The following NAV3 variants were observed in gnomAD, a reference collection of about 807,000 sequenced individuals.
The protein encoded by NAV3 is pore membrane and/or filament interacting like protein 1.
NAV3 carries 87 observed loss-of-function variants against 244.7 expected under a neutral mutation model. The observed-to-expected ratio is 0.36, with a 90% CI of 0.30 to 0.42. The LOEUF (loss-of-function observed/expected upper bound fraction) is 0.42, where lower values mean the gene tolerates loss of function less well. NAV3 is among the 20% of genes least tolerant of loss of function. NAV3 has a pLI of 1.00. For synonymous variants in NAV3, 1,126 were observed against 1,042.2 expected, an observed-to-expected ratio of 1.08 and a Z score of -1.55; for missense variants, 2,663 against 2,893.3, an observed-to-expected ratio of 0.92 and a Z score of 1.83.
chr12:78,155,145 A>G (rs1033666943), intron 22 of NAV3, among the ~76,000 whole-genome samples: 4 of 151,924 alleles, frequency 2.6e-5, no homozygotes, highest in Admixed American at 1.3e-4. Flanking sequence ...CCCACCATCC[A>G]TTAGCTATTC....
At chr12:77,613,092 G>T (rs1200450349) in intron 2 of NAV3, among the ~76,000 whole-genome samples, 1 of 152,078 alleles carries the variant, frequency 6.6e-6, no homozygotes, top group Non-Finnish European at 1.5e-5. Flanking sequence ...CCAGTCTTAG[G>T]TTTGTCTTTA....
At chr12:78,182,960 A>G (rs114401343) in intron 30 of NAV3, among the ~76,000 whole-genome samples, 449 of 152,090 alleles carry the variant, frequency 3.0e-3, no homozygotes, top group African/African-American at 0.01. Flanking sequence ...AGATAAAGAA[A>G]GTAGGCAGGA....
At chr12:77,741,523 C>T (rs1868337899) in intron 2 of NAV3, among the ~76,000 whole-genome samples, 2 of 152,102 alleles carry the variant, frequency 1.3e-5, no homozygotes, top group African/African-American at 4.8e-5. Flanking sequence ...TTTTTAGTCT[C>T]ACTGCCAGTA....
intron 1 of NAV3, among the ~76,000 whole-genome samples, chr12:77,888,096 A>C (rs540307345): frequency 6.6e-5 from 10 of 151,650 alleles, no homozygotes; most frequent in Non-Finnish European, 1.2e-4. Flanking sequence ...TATGCGGTAA[A>C]ATATGATGAT....
intron 3 of NAV3, chr12:77,947,462 G>T (rs748797148): frequency 4.0e-5 from 6 of 150,574 alleles, no homozygotes; most frequent in Admixed American, 6.6e-5. Flanking sequence ...AACCAAATAG[G>T]GAAGAGATAA....
intron 2 of NAV3, among the ~76,000 whole-genome samples, chr12:77,686,307 G>A (rs548691749): frequency 2.9e-4 from 44 of 152,040 alleles, no homozygotes; most frequent in South Asian, 1.9e-3. Flanking sequence ...TGACCAGGCC[G>A]GTCTTGAACT....
intron 12 of NAV3, among the ~76,000 whole-genome samples, chr12:78,070,603 C>T (rs1952708625): frequency 6.6e-6 from 1 of 151,552 alleles, no homozygotes; most frequent in Admixed American, 6.6e-5. Flanking sequence ...GCACATTGTG[C>T]AGGTTAGTTA....
At chr12:78,102,831 G>A (rs1180842095) in intron 12 of NAV3, among the ~76,000 whole-genome samples, 1 of 152,156 alleles carries the variant, frequency 6.6e-6, no homozygotes. Flanking sequence ...GCCCCTTTTA[G>A]CAATGGCTGG....
intron 22 of NAV3, among the ~76,000 whole-genome samples, chr12:78,157,050 A>G (rs1358051573): frequency 6.6e-6 from 1 of 152,138 alleles, no homozygotes. Flanking sequence ...GCAAGAAAAT[A>G]ATTACCACAG....
intron 6 of NAV3, among the ~76,000 whole-genome samples, chr12:77,996,369 T>C (rs867823098): frequency 5.9e-5 from 9 of 152,214 alleles, no homozygotes; most frequent in Admixed American, 4.6e-4. Flanking sequence ...GTAGATTCTC[T>C]TAAGCAAAAG....
At chr12:77,723,039 T>C (rs540697177) in intron 2 of NAV3, among the ~76,000 whole-genome samples, 1 of 152,168 alleles carries the variant, frequency 6.6e-6, no homozygotes, top group South Asian at 2.1e-4. Context: ...TGCAAGTTTT[T>C]TTTGCCTTTT....
intron 12 of NAV3, among the ~76,000 whole-genome samples, chr12:78,098,835 A>G (rs1954390262): frequency 6.6e-6 from 1 of 151,898 alleles, no homozygotes; most frequent in Non-Finnish European, 1.5e-5. Flanking sequence ...AGTTATAGAA[A>G]AACTCAGTCT....
chr12:77,638,522 A>C (rs1285100269), intron 2 of NAV3, among the ~76,000 whole-genome samples: 2 of 152,234 alleles, frequency 1.3e-5, no homozygotes, highest in Non-Finnish European at 2.9e-5. Context: ...GTCTGTAGTT[A>C]AGTATGCACA....
At chr12:77,819,906 G>A (rs1237864074) in intron 2 of NAV3, among the ~76,000 whole-genome samples, 1 of 152,026 alleles carries the variant, frequency 6.6e-6, no homozygotes, top group Non-Finnish European at 1.5e-5. Flanking sequence ...GAAAGAGCTC[G>A]GCAACTACTT....
intron 3 of NAV3, among the ~76,000 whole-genome samples, chr12:77,961,646 AT>A (rs1030070200): frequency 1.9e-4 from 27 of 141,848 alleles, no homozygotes; most frequent in South Asian, 7.2e-4. Flanking sequence ...TATGCAATAT[AT>A]TATTACATTA....
At chr12:77,772,452 T>C (rs1870142111) in intron 2 of NAV3, among the ~76,000 whole-genome samples, 3 of 152,220 alleles carry the variant, frequency 2.0e-5, no homozygotes, top group Non-Finnish European at 4.4e-5. Flanking sequence ...TATATCTTTT[T>C]ATAAGGATAA....
chr12:77,940,314 A>G lies in NAV3; in HGVS notation c.244-5A>G. 1 of 1,609,570 alleles carries G rather than the reference A, an allele frequency of 6.2e-7. No individual in the cohort carries two copies. Among genetic ancestry groups the G allele is most frequent in the Admixed American group, 1.7e-5 (1 of 59,136 alleles). On this transcript the variant is annotated splice_region_variant and splice_polypyrimidine_tract_variant and intron_variant, in intron 1 of 39. Transcript: ENST00000397909. ...TCTCACTTTTTCCTTCTCTCTGTTC[A>G]ACAGATTTACACTGACTGGGCCAAC... is the stretch of plus-strand genomic sequence containing the variant.
At chr12:77,716,569 T>C (rs1876373076) in intron 2 of NAV3, among the ~76,000 whole-genome samples, 1 of 151,992 alleles carries the variant, frequency 6.6e-6, no homozygotes, top group African/African-American at 2.4e-5. Context: ...CTTGACTTTA[T>C]ATATTTTGCT....
chr12:78,184,170 C>T (rs937846878), intron 30 of NAV3, among the ~76,000 whole-genome samples: 1 of 151,842 alleles, frequency 6.6e-6, no homozygotes, highest in Non-Finnish European at 1.5e-5. Context: ...AAGGAATTCA[C>T]TTTCTTTCTC....
Sources: gnomAD v4.1 joint callset for allele counts (sites outside exome capture counted in the v4.1 genomes callset) on GRCh38, gnomAD v4.1.1 for gene constraint, MANE v1.5 for transcripts, NCBI Gene and HGNC (gene_info 2026-07-23, HGNC 2026-07-21) for gene names.